NLRP3: variants seen among roughly 807,000 people sequenced by gnomAD.
NLRP3 encodes the protein NACHT, LRR and PYD domains-containing protein 3.
NLRP3 carries 48 observed loss-of-function variants against 91.3 expected under a neutral mutation model. The observed-to-expected ratio is 0.53, with a 90% CI of 0.42 to 0.67. NLRP3 has a LOEUF of 0.67. Among genes scored for constraint, NLRP3 ranks in the 30% least tolerant of loss-of-function variants. The pLI, the probability that NLRP3 is intolerant of heterozygous loss-of-function variation, is 0.00. For missense variants in NLRP3, 982 were observed against 1,276.9 expected (o/e 0.77, Z 3.52); for synonymous variants, 561 against 507.9 (o/e 1.10, Z -1.41).
intron 5 of NLRP3, among the ~76,000 whole-genome samples, chr1:247,430,735 T>A (rs1326586016): frequency 3.3e-5 from 5 of 152,130 alleles, no homozygotes; most frequent in African/African-American, 1.2e-4. Flanking sequence ...ATTTGCCATT[T>A]ACAACAATGG....
At chr1:247,444,278 C>A in intron 8 of NLRP3, 136 bp downstream of exon 8, 2 of 945,798 alleles carry the variant, frequency 2.1e-6, no homozygotes, top group Non-Finnish European at 3.4e-6. Context: ...GTTACAGGAT[C>A]ATGGGACTGG....
intron 9 of NLRP3, among the ~76,000 whole-genome samples, chr1:247,446,345 C>G (rs1182736768): frequency 1.3e-5 from 2 of 152,188 alleles, no homozygotes; most frequent in African/African-American, 4.8e-5. Context: ...AAACGTAACT[C>G]GCATCATATC....
intron 4 of NLRP3, 46 bp from the exon 5 acceptor site, chr1:247,429,539 A>C: frequency 6.2e-7 from 1 of 1,606,006 alleles, no homozygotes; most frequent in Non-Finnish European, 8.5e-7. Flanking sequence ...GTTAGTTATT[A>C]TTCGAGGCTG....
intron 4 of NLRP3, among the ~76,000 whole-genome samples, chr1:247,426,643 C>T (rs571171116): frequency 4.6e-5 from 7 of 152,298 alleles, no homozygotes; most frequent in African/African-American, 9.6e-5. Context: ...CCCACAGGGC[C>T]GCAGTGGTGG....
chr1:247,425,466 C>A lies in NLRP3; in HGVS notation c.2017C>A (p.Arg673=). 1 of 1,614,158 alleles carries A rather than the reference C, an allele frequency of 6.2e-7. No individual in the cohort carries two copies. Among genetic ancestry groups the A allele is most frequent in the Non-Finnish European group, 8.5e-7 (1 of 1,180,040 alleles). The part of the protein sequence containing the change: ...VSSFCIENCH[R]VESLSLGFLH... Reference sequence around the variant, plus strand: ...TTCCTTTTGCATTGAGAACTGTCATCGGGTGGAGTCACTGTCCCTGGGGTT... The same window carrying A: ...TTCCTTTTGCATTGAGAACTGTCATAGGGTGGAGTCACTGTCCCTGGGGTT... The change falls in exon 4 of 10, where the codon CGG becomes AGG. Residue 673 remains arginine (R), a synonymous_variant. Coordinates refer to ENST00000336119, the MANE Select transcript of NLRP3 (RefSeq NM_001243133.2). This position sits in a 1 kb window ranked among gnomAD's most constrained non-coding sequence, Gnocchi z 4.1.
intron 6 of NLRP3, among the ~76,000 whole-genome samples, 177 bp downstream of exon 6, chr1:247,434,450 A>T (rs948026357): frequency 2.0e-5 from 3 of 152,008 alleles, no homozygotes; most frequent in Admixed American, 6.6e-5. Context: ...TGTCGTGGGG[A>T]AAGCCACACA....
chr1:247,434,953 GT>G (rs1663674045), intron 6 of NLRP3, among the ~76,000 whole-genome samples: 1 of 152,176 alleles, frequency 6.6e-6, no homozygotes, highest in Admixed American at 6.5e-5. Context: ...CTGCAAAAGA[GT>G]TCAAAGCAGG....
At chr1:247,419,800 C>T (rs1457737184) in intron 2 of NLRP3, among the ~76,000 whole-genome samples, 6 of 152,098 alleles carry the variant, frequency 3.9e-5, no homozygotes, top group Admixed American at 3.9e-4. Context: ...TACCATATAC[C>T]AAATTTTGTT....
chr1:247,429,774 G>C lies in NLRP3; in HGVS notation c.2321+19G>C, dbSNP rs773987129. On this transcript the variant is annotated intron_variant, in intron 5 of 9. Transcript: ENST00000336119. ...GATTGTGGTGAGTCCCCGTGCATGT[G>C]ATCTGTGTGAGTGCAAGTTCATATG... 6.2e-7 allele frequency: 1 copy of C among 1,612,796 alleles called. No individual in the cohort carries two copies. Among genetic ancestry groups the C allele is most frequent in the Admixed American group, 1.7e-5 (1 of 60,024 alleles).
chr1:247,447,315 ACT>A (rs1165640104), intron 9 of NLRP3, among the ~76,000 whole-genome samples: 3 of 151,944 alleles, frequency 2.0e-5, no homozygotes, highest in Admixed American at 1.3e-4. Flanking sequence ...GAAAGAACAA[ACT>A]CTCTGATATC....
At chr1:247,422,088 T>A (rs1186614846) in intron 2 of NLRP3, among the ~76,000 whole-genome samples, 1 of 152,096 alleles carries the variant, frequency 6.6e-6, no homozygotes, top group Non-Finnish European at 1.5e-5. Flanking sequence ...CTGTCAGAGG[T>A]CTTTTATGGG....
rs1384830328 is a variant in NLRP3, at chr1:247,417,279, C to A, written c.-748-774C>A. ...TAAACCCCTCGGCAGGCTTCCTAGT[C>A]CCCCTAAGACTCAGTTTATGCATCT... On this transcript the variant is annotated intron_variant, in intron 1 of 9. Transcript: ENST00000336119. Among the ~76,000 whole-genome samples, 10 of 152,200 alleles carry A rather than the reference C, an allele frequency of 6.6e-5. No individual in the cohort carries two copies. In the East Asian group the frequency reaches 1.7e-3, roughly 26 times the overall value.
intron 9 of NLRP3, among the ~76,000 whole-genome samples, chr1:247,445,436 G>A (rs191179634): frequency 6.6e-6 from 1 of 152,266 alleles, no homozygotes; most frequent in East Asian, 1.9e-4. Flanking sequence ...TCCTGACCTC[G>A]TGATCTGCCT....
rs202057780 is a variant in NLRP3 at position 247,418,961 on chromosome 1, C to T, written c.161C>T (p.Thr54Met). The change falls in exon 2 of 10, where the codon ACG (threonine) becomes ATG (methionine). Residue 54 changes from threonine to methionine, a missense_variant. Physicochemically the swap from Thr to Met is moderately conservative, Grantham distance 81 (BLOSUM62 -1). This residue lies in a region of NLRP3 where 548 missense variants were observed against 713.7 expected (regional missense o/e 0.77). Transcript: ENST00000336119. ...AAGGCAGACCATGTGGATCTAGCCA[C>T]GCTAATGATCGACTTCAATGGGGAG... ...TEKADHVDLA[T>M]LMIDFNGEEK... The T allele has an allele frequency of 7.4e-6, 12 of 1,614,080 alleles. No homozygotes were observed. Among genetic ancestry groups the T allele is most frequent in the South Asian group, 3.3e-5 (3 of 91,072 alleles).
At chr1:247,430,483 A>G (rs1338566271) in intron 5 of NLRP3, among the ~76,000 whole-genome samples, 1 of 152,004 alleles carries the variant, frequency 6.6e-6, no homozygotes, top group Non-Finnish European at 1.5e-5. Context: ...TAAAGACCCC[A>G]TTTCCCAAAA....
In NLRP3 at chr1:247,418,107, G is replaced by A. The variant is rs201110745; in HGVS notation, c.-694G>A. The A allele has an allele frequency of 1.0e-4, 16 of 152,744 alleles. No individual in the cohort carries two copies. The highest frequency in any genetic ancestry group is 2.6e-4 in the Admixed American group (4 of 15,328). 9.5% of individuals were successfully genotyped at this position (152,744 alleles called of 1,614,324 possible). ...AGAGTTTGTCCAATGTCATAGCCCC[G>A]TAATCAACGGGACAAAAATTTTCTT... On this transcript the variant is annotated 5_prime_UTR_variant, in exon 2 of 10. Coordinates refer to ENST00000336119, the MANE Select transcript of NLRP3 (RefSeq NM_001243133.2).
chr1:247,423,323 G>C lies in NLRP3; in HGVS notation c.371G>C (p.Arg124Thr), dbSNP rs867801705. Residue 124 changes from arginine to threonine, a missense_variant, in exon 3 of 10, where the codon AGA becomes ACA. Around this residue, in one of 5 missense-constraint regions of NLRP3, gnomAD observed 548 missense variants for 713.7 expected, o/e 0.77. Transcript: ENST00000336119. Reference protein sequence around the residue: ...EWMGLLEYLSRISICKMKKDY... With the variant: ...EWMGLLEYLSTISICKMKKDY... ...ATGGGTTTACTGGAGTACCTTTCGA[G>C]AATCTCTATTTGTAAAATGAAGAAA... 6.5e-7 allele frequency: 1 copy of C among 1,530,604 alleles called. No homozygotes were observed. The highest frequency in any genetic ancestry group is 1.8e-4 in the Middle Eastern group (1 of 5,712). 94.8% of individuals were successfully genotyped at this position (1,530,604 alleles called of 1,614,324 possible).
At chr1:247,441,115 C>CTT (rs1664185742) in intron 7 of NLRP3, among the ~76,000 whole-genome samples, 1 of 97,550 alleles carries the variant, frequency 1.0e-5, no homozygotes. Flanking sequence ...CTTTCTTTCT[C>CTT]TCTTTTTCTT....
intron 5 of NLRP3, among the ~76,000 whole-genome samples, chr1:247,433,793 C>A (rs1269492792): frequency 7.4e-6 from 1 of 135,126 alleles, no homozygotes; most frequent in Non-Finnish European, 1.6e-5. Flanking sequence ...ATTCTCTATT[C>A]CAGAGCTCTC....
Sources: allele counts gnomAD v4.1 joint callset (sites outside exome capture counted in the v4.1 genomes callset), GRCh38; gene constraint gnomAD v4.1.1; regional missense constraint gnomAD v4.1.1; non-coding constraint Gnocchi (gnomAD v3.1); transcripts MANE v1.5; gene names NCBI Gene and HGNC (gene_info 2026-07-23, HGNC 2026-07-21).